The following BLTP3B variants were observed in gnomAD, a reference collection of about 807,000 sequenced individuals.
BLTP3B encodes the protein bridge-like lipid transfer protein family member 3B.
chr12:100,046,454 T>C, the BLTP3B span, among the ~76,000 whole-genome samples: 2 of 152,064 alleles, frequency 1.3e-5, no homozygotes, highest in Admixed American at 1.3e-4. Context: ...GAAACAATCA[T>C]TCTGAGCAAA....
chr12:100,082,211 T>C, the BLTP3B span, among the ~76,000 whole-genome samples: 5 of 152,242 alleles, frequency 3.3e-5, no homozygotes, highest in Non-Finnish European at 7.3e-5. Context: ...ATGTCTTCTT[T>C]TGAGAAGTGT....
chr12:100,057,526 G>GTA, the BLTP3B span: 67 of 1,518,630 alleles, frequency 4.4e-5, 1 homozygote, highest in South Asian at 8.0e-4. Flanking sequence ...TTCTCCTAAG[G>GTA]TGTATGTACG....
At chr12:100,090,723 C>T in the BLTP3B span, among the ~76,000 whole-genome samples, 1 of 152,006 alleles carries the variant, frequency 6.6e-6, no homozygotes, top group African/African-American at 2.4e-5. Flanking sequence ...ATACTATAGA[C>T]TCCAGAAAAC....
chr12:100,140,729 A>AAAAAAAATATATAT, the BLTP3B span, among the ~76,000 whole-genome samples: 2 of 61,488 alleles, frequency 3.3e-5, no homozygotes, highest in African/African-American at 1.0e-4. Context: ...AAAAAAAAAA[A>AAAAAAAATATATAT]ATATATATAT....
the BLTP3B span, among the ~76,000 whole-genome samples, chr12:100,113,075 G>C: frequency 6.6e-6 from 1 of 152,002 alleles, no homozygotes; most frequent in Admixed American, 6.6e-5. Context: ...TGAGGCTAAG[G>C]TGGGGGGATC....
chr12:100,121,860 T>TA, the BLTP3B span, among the ~76,000 whole-genome samples: 3 of 152,126 alleles, frequency 2.0e-5, no homozygotes, highest in African/African-American at 7.2e-5. Flanking sequence ...TTGTACACCT[T>TA]AAATATGTGC....
chr12:100,087,773 A>C, the BLTP3B span, among the ~76,000 whole-genome samples: 1 of 152,244 alleles, frequency 6.6e-6, no homozygotes. Context: ...AAAATCATTC[A>C]ATTTATTCTA....
At chr12:100,106,310 G>A in the BLTP3B span, among the ~76,000 whole-genome samples, 3 of 150,924 alleles carry the variant, frequency 2.0e-5, no homozygotes, top group African/African-American at 7.3e-5. Context: ...GGACACATAT[G>A]TCTATTGCAA....
chr12:100,121,033 ATATT>A, the BLTP3B span, among the ~76,000 whole-genome samples: 1 of 152,318 alleles, frequency 6.6e-6, no homozygotes, highest in South Asian at 2.1e-4. Context: ...GAAAAAATGC[ATATT>A]TATATAAAAA....
the BLTP3B span, among the ~76,000 whole-genome samples, chr12:100,102,166 A>G: frequency 2.3e-4 from 33 of 141,982 alleles, no homozygotes; most frequent in Admixed American, 2.3e-3. Context: ...CTGGAGTGCA[A>G]TGGCGCGATC....
chr12:100,058,277 C>T, the BLTP3B span: 1 of 1,613,692 alleles, frequency 6.2e-7, no homozygotes, highest in Non-Finnish European at 8.5e-7. Flanking sequence ...AAAATGAATC[C>T]TTTTTGTCAC....
chr12:100,128,196 C>T, the BLTP3B span, among the ~76,000 whole-genome samples: 1 of 152,198 alleles, frequency 6.6e-6, no homozygotes, highest in Non-Finnish European at 1.5e-5. Flanking sequence ...CTTTGTACCT[C>T]ACTAATTACA....
chr12:100,099,616 A>G, the BLTP3B span, among the ~76,000 whole-genome samples: 6 of 150,798 alleles, frequency 4.0e-5, no homozygotes, highest in Admixed American at 1.3e-4. Flanking sequence ...GCATGGTAAC[A>G]CTTGCCTGTG....
At chr12:100,141,675 C>A in the BLTP3B span, among the ~76,000 whole-genome samples, 2 of 152,040 alleles carry the variant, frequency 1.3e-5, no homozygotes, top group African/African-American at 2.4e-5. Flanking sequence ...ACTTACAAAT[C>A]GAACAGAAAG....
the BLTP3B span, chr12:100,083,078 A>G: frequency 1.2e-6 from 2 of 1,613,842 alleles, no homozygotes; most frequent in Non-Finnish European, 1.7e-6. Flanking sequence ...TTAGCTTTTG[A>G]TTGTTGAGAT....
the BLTP3B span, among the ~76,000 whole-genome samples, chr12:100,041,232 A>C: frequency 6.6e-6 from 1 of 152,158 alleles, no homozygotes; most frequent in African/African-American, 2.4e-5. Flanking sequence ...GATGCAGAAA[A>C]AGCATCTGAC....
chr12:100,057,662 C>T, the BLTP3B span: 17 of 1,612,728 alleles, frequency 1.1e-5, no homozygotes, highest in African/African-American at 2.3e-4. Flanking sequence ...TATCCAATGA[C>T]ATTTGTGAAG....
the BLTP3B span, among the ~76,000 whole-genome samples, chr12:100,080,092 G>A: frequency 6.6e-5 from 10 of 152,224 alleles, no homozygotes; most frequent in African/African-American, 2.4e-4. Flanking sequence ...GAGAACCTCT[G>A]CTAGGGCAGT....
chr12:100,112,708 T>G, the BLTP3B span, among the ~76,000 whole-genome samples: 4 of 152,040 alleles, frequency 2.6e-5, no homozygotes, highest in East Asian at 7.7e-4. Context: ...ATTTATAATT[T>G]GGTTAAGGGA....
Sources: gnomAD v4.1 joint callset for allele counts (sites outside exome capture counted in the v4.1 genomes callset) on GRCh38, gnomAD v4.1.1 for gene constraint, MANE v1.5 for transcripts, NCBI Gene and HGNC (gene_info 2026-07-23, HGNC 2026-07-21) for gene names.